The following HS3ST4 variants were observed in gnomAD, a reference collection of about 807,000 sequenced individuals.
HS3ST4 encodes heparan sulfate glucosamine 3-O-sulfotransferase 4.
Under a neutral mutation model 29.2 loss-of-function variants are expected in HS3ST4, and 17 were observed. That is an observed-to-expected ratio of 0.58 (90% CI 0.40 to 0.87). The LOEUF (loss-of-function observed/expected upper bound fraction) is 0.87, where lower values mean the gene tolerates loss of function less well. Ranked by LOEUF, HS3ST4 falls within the 40% of genes least tolerant of loss-of-function variation. HS3ST4 has a pLI of 0.00. For synonymous variants in HS3ST4, 314 were observed against 285.7 expected (o/e 1.10, Z -1.00); for missense variants, 627 against 634.5 (o/e 0.99, Z 0.13).
At chr16:25,982,341 T>C (rs62034472) in intron 1 of HS3ST4, among the ~76,000 whole-genome samples, 8,455 of 152,304 alleles carry the variant, frequency 0.056, 332 homozygotes, top group Middle Eastern at 0.092. Context: ...GGAAGAAAGT[T>C]GGACCATGTT....
chr16:25,784,422 A>G (rs1156238777), intron 1 of HS3ST4, among the ~76,000 whole-genome samples: 4 of 152,220 alleles, frequency 2.6e-5, no homozygotes, highest in African/African-American at 9.6e-5. Context: ...GCACCAAACA[A>G]TTAACCAAGT....
intron 1 of HS3ST4, among the ~76,000 whole-genome samples, chr16:25,775,470 T>G (rs1966846770): frequency 6.6e-6 from 1 of 152,292 alleles, no homozygotes; most frequent in East Asian, 1.9e-4. Context: ...GTTGGCCCGT[T>G]AAGTACAAAG....
intron 1 of HS3ST4, among the ~76,000 whole-genome samples, chr16:25,828,242 C>CTTTTTCTGTCTG (rs1371928058): frequency 4.1e-4 from 31 of 75,034 alleles, no homozygotes; most frequent in African/African-American, 1.6e-3. Flanking sequence ...TTCTTTCTTT[C>CTTTTTCTGTCTG]TCTTTCTTTC....
chr16:25,912,807 T>C (rs1344831997), intron 1 of HS3ST4, among the ~76,000 whole-genome samples: 1 of 152,196 alleles, frequency 6.6e-6, no homozygotes, highest in Admixed American at 6.5e-5. Flanking sequence ...TGTTTCTATC[T>C]GGCAGGAACT....
chr16:25,871,125 A>G (rs758987445), intron 1 of HS3ST4, among the ~76,000 whole-genome samples: 3 of 152,200 alleles, frequency 2.0e-5, no homozygotes, highest in Non-Finnish European at 4.4e-5. Context: ...GAGACATACA[A>G]GAGTTTTTGG....
At chr16:26,002,338 C>CT (rs34252803) in intron 1 of HS3ST4, among the ~76,000 whole-genome samples, 19 of 152,008 alleles carry the variant, frequency 1.2e-4, no homozygotes, top group Non-Finnish European at 2.6e-4. Flanking sequence ...TGTGGGAACA[C>CT]TTTTTTTAAT....
chr16:25,780,662 G>T (rs188137463), intron 1 of HS3ST4, among the ~76,000 whole-genome samples: 1 of 152,154 alleles, frequency 6.6e-6, no homozygotes, highest in African/African-American at 2.4e-5. Context: ...ATAACAGTGC[G>T]TACCTCATCT....
rs538061661 is a variant in HS3ST4 at position 25,935,969 on chromosome 16, T to A, written c.735-199643T>A. ...AAATAGGGAAGAGGTCTTGCCATGTTTCCCAGGCTTGTCTCCTAAGCTGAA... is the reference window on the plus strand; with the variant it reads ...AAATAGGGAAGAGGTCTTGCCATGTATCCCAGGCTTGTCTCCTAAGCTGAA... On this transcript the variant is annotated intron_variant, in intron 1 of 1. Transcript: ENST00000331351. 8.5e-5 allele frequency among the ~76,000 whole-genome samples: 13 copies of A among 152,324 alleles called. No individual in the cohort carries two copies. The South Asian group carries it at 2.5e-3, about 29-fold the overall frequency.
chr16:25,786,137 C>G (rs1352973237), intron 1 of HS3ST4, among the ~76,000 whole-genome samples: 1 of 151,990 alleles, frequency 6.6e-6, no homozygotes, highest in African/African-American at 2.4e-5. Context: ...ACTCACTAAA[C>G]CAGGGAAGAT....
intron 1 of HS3ST4, among the ~76,000 whole-genome samples, chr16:26,116,518 T>G (rs536828344): frequency 6.6e-6 from 1 of 152,294 alleles, no homozygotes; most frequent in East Asian, 1.9e-4. Context: ...GATATACAGT[T>G]TCTATTTTAA....
intron 1 of HS3ST4, among the ~76,000 whole-genome samples, chr16:25,857,902 TCCTTCCTTC>T (rs1567257030): frequency 0.03 from 2,285 of 75,088 alleles, 62 homozygotes; most frequent in African/African-American, 0.068. Context: ...TTTTCTTTCT[TCCTTCCTTC>T]CTTCCTTCCT....
At chr16:26,107,638 A>G (rs1034729273) in intron 1 of HS3ST4, among the ~76,000 whole-genome samples, 5 of 152,306 alleles carry the variant, frequency 3.3e-5, no homozygotes, top group Non-Finnish European at 7.3e-5. Flanking sequence ...ATGAGAACAT[A>G]TGATATTTGG....
chr16:25,755,614 G>C (rs1244137195), intron 1 of HS3ST4, among the ~76,000 whole-genome samples: 3 of 152,122 alleles, frequency 2.0e-5, no homozygotes, highest in African/African-American at 7.2e-5. Flanking sequence ...TCTTTACCTT[G>C]GCCCGAGGTT....
intron 1 of HS3ST4, among the ~76,000 whole-genome samples, chr16:26,092,650 C>T (rs78016658): frequency 0.059 from 8,964 of 152,242 alleles, 427 homozygotes; most frequent in Admixed American, 0.16. Context: ...GGAACAGCTC[C>T]GGTCTGCAGC....
chr16:25,756,208 G>A (rs1002141655), intron 1 of HS3ST4, among the ~76,000 whole-genome samples: 1 of 151,320 alleles, frequency 6.6e-6, no homozygotes, highest in Non-Finnish European at 1.5e-5. Flanking sequence ...TACATGGTTG[G>A]CCCTCAAACA....
At chr16:25,713,413 A>G (rs1184884243) in intron 1 of HS3ST4, among the ~76,000 whole-genome samples, 2 of 152,090 alleles carry the variant, frequency 1.3e-5, no homozygotes, top group African/African-American at 4.8e-5. Context: ...CTGTGGTCCC[A>G]GCTACTAGGG....
In HS3ST4 at chr16:25,726,854, T is replaced by C. The variant is rs549668645; in HGVS notation, c.734+33703T>C. ...GGTGACGTTTAGCATTGCATTTACA[T>C]TTCTCACATATGCTGCCAAAAAGAA... On this transcript the variant is annotated intron_variant, in intron 1 of 1. Coordinates refer to ENST00000331351, the MANE Select transcript of HS3ST4 (RefSeq NM_006040.3). Among the ~76,000 whole-genome samples the C allele has an allele frequency of 4.6e-5, 7 of 152,352 alleles. No homozygotes were observed. The South Asian group carries it at 1.5e-3, about 32-fold the overall frequency.
intron 1 of HS3ST4, among the ~76,000 whole-genome samples, chr16:25,812,792 C>T (rs1323216241): frequency 6.6e-6 from 1 of 151,940 alleles, no homozygotes; most frequent in Non-Finnish European, 1.5e-5. Flanking sequence ...GCCTCGACCT[C>T]CTAGTCTCAA....
At chr16:25,799,973 A>G (rs1966915567) in intron 1 of HS3ST4, among the ~76,000 whole-genome samples, 3 of 152,000 alleles carry the variant, frequency 2.0e-5, no homozygotes, top group Non-Finnish European at 2.9e-5. Flanking sequence ...GCATAGCTGG[A>G]ATTCCATGTG....
Sources: gnomAD v4.1 joint callset for allele counts (sites outside exome capture counted in the v4.1 genomes callset) on GRCh38, gnomAD v4.1.1 for gene constraint, MANE v1.5 for transcripts, NCBI Gene and HGNC (gene_info 2026-07-23, HGNC 2026-07-21) for gene names.